PHF24: variants seen among roughly 807,000 people sequenced by gnomAD.
PHF24 encodes PHD finger protein 24, also known as Galpha inhibitory interacting protein.
In PHF24, 25 loss-of-function variants were observed where a neutral mutation model predicts 42.6. The observed-to-expected ratio is 0.59, with a 90% CI of 0.43 to 0.82. PHF24 has a LOEUF of 0.82. Among genes scored for constraint, PHF24 ranks in the 40% least tolerant of loss-of-function variants. The pLI is 0.00. For missense variants in PHF24, 470 were observed against 538.1 expected, an observed-to-expected ratio of 0.87 and a Z score of 1.25; for synonymous variants, 185 against 204.8, an observed-to-expected ratio of 0.90 and a Z score of 0.83.
At chr9:34,836,062 G>C in the PHF24 span, 5 of 587,970 alleles carry the variant, frequency 8.5e-6, no homozygotes, top group East Asian at 2.0e-4. Context: ...GCTGGAAAGA[G>C]AAACATGGCA....
the PHF24 span, among the ~76,000 whole-genome samples, chr9:34,803,992 T>C: frequency 6.6e-6 from 1 of 152,148 alleles, no homozygotes; most frequent in Non-Finnish European, 1.5e-5. Context: ...TAAACTGGTA[T>C]GACATGACTC....
the PHF24 span, among the ~76,000 whole-genome samples, chr9:34,872,302 CCCACTAACTCTTCATCTAG>C: frequency 6.7e-6 from 1 of 150,130 alleles, no homozygotes; most frequent in African/African-American, 2.4e-5. Flanking sequence ...GTGCGCTGCA[CCCACTAACTCTTCATCTAG>C]CATTAGGTAT....
At chr9:34,857,797 A>T in the PHF24 span, among the ~76,000 whole-genome samples, 1 of 152,110 alleles carries the variant, frequency 6.6e-6, no homozygotes, top group Non-Finnish European at 1.5e-5. Flanking sequence ...TTGAGTTCAT[A>T]TGTTCTTCCT....
At chr9:34,733,989 C>A in the PHF24 span, among the ~76,000 whole-genome samples, 2 of 152,132 alleles carry the variant, frequency 1.3e-5, no homozygotes, top group Non-Finnish European at 2.9e-5. Context: ...TAGGGTTTCT[C>A]GGGCTTCTGG....
At chr9:34,890,142 A>G in the PHF24 span, among the ~76,000 whole-genome samples, 71,943 of 152,000 alleles carry the variant, frequency 0.47, 17,991 homozygotes, top group Non-Finnish European at 0.56. Context: ...TACCTAAGAA[A>G]GATCCTGGAG....
At chr9:34,846,262 T>G in the PHF24 span, among the ~76,000 whole-genome samples, 1 of 152,174 alleles carries the variant, frequency 6.6e-6, no homozygotes, top group Admixed American at 6.5e-5. Context: ...CCAGCACCTG[T>G]TTTTCCCGAC....
the PHF24 span, chr9:34,895,779 T>G: frequency 2.5e-6 from 1 of 399,896 alleles, no homozygotes; most frequent in Non-Finnish European, 4.4e-6. Context: ...TAGAACCTAA[T>G]ACCTCCAGAT....
At chr9:34,725,767 AG>A in the PHF24 span, 1 of 1,549,756 alleles carries the variant, frequency 6.5e-7, no homozygotes, top group Non-Finnish European at 8.7e-7. Flanking sequence ...AAAGTGGGGA[AG>A]AGGGTGGGGC....
chr9:34,958,217 C>T (rs892840512), upstream of PHF24: 26 of 149,764 alleles, frequency 1.7e-4, no homozygotes, highest in Middle Eastern at 3.0e-3. This position sits in a 1 kb window ranked among gnomAD's most constrained non-coding sequence, Gnocchi z 4.5. Context: ...GGGTGTGCTC[C>T]GGCCGCGCGC....
At chr9:34,680,424 C>T in the PHF24 span, among the ~76,000 whole-genome samples, 1 of 151,238 alleles carries the variant, frequency 6.6e-6, no homozygotes, top group Non-Finnish European at 1.5e-5. Flanking sequence ...CGCGGTGGCT[C>T]ACGCCTGTGG....
chr9:34,886,826 G>GTATCTATCTATCTATCTATCTATCTATC, the PHF24 span, among the ~76,000 whole-genome samples: 2 of 80,808 alleles, frequency 2.5e-5, no homozygotes, highest in African/African-American at 6.4e-5. Context: ...ATGTATCTAT[G>GTATCTATCTATCTATCTATCTATCTATC]TATCTATGTA....
chr9:34,865,530 C>G, the PHF24 span, among the ~76,000 whole-genome samples: 3 of 151,946 alleles, frequency 2.0e-5, no homozygotes, highest in African/African-American at 7.3e-5. Context: ...CACCACTGTA[C>G]TCCAGCCTGA....
intron 3 of PHF24, among the ~76,000 whole-genome samples, chr9:34,972,748 TA>T (rs1827043158): frequency 1.3e-5 from 2 of 152,082 alleles, no homozygotes; most frequent in South Asian, 4.1e-4. Flanking sequence ...ACCCCATCTC[TA>T]CTAAAAATAC....
chr9:34,896,884 G>A, the PHF24 span, among the ~76,000 whole-genome samples: 46 of 152,222 alleles, frequency 3.0e-4, no homozygotes, highest in Non-Finnish European at 4.9e-4. Context: ...GGCCAAGTGC[G>A]GCGGCTCACA....
the PHF24 span, among the ~76,000 whole-genome samples, chr9:34,751,799 A>C: frequency 1.3e-5 from 2 of 152,328 alleles, no homozygotes; most frequent in African/African-American, 4.8e-5. Context: ...ATCATTTGTT[A>C]GGCCATAAAA....
chr9:34,917,853 C>G, the PHF24 span: 1 of 1,508,264 alleles, frequency 6.6e-7, no homozygotes, highest in South Asian at 1.1e-5. Context: ...CATCTTGCAT[C>G]GTGTGTGTGA....
the PHF24 span, among the ~76,000 whole-genome samples, chr9:34,781,817 C>T: frequency 1.3e-5 from 2 of 152,072 alleles, no homozygotes; most frequent in Non-Finnish European, 2.9e-5. Context: ...AATGCATGTG[C>T]CAGTGAATTC....
At chr9:34,760,972 A>G in the PHF24 span, among the ~76,000 whole-genome samples, 1 of 149,884 alleles carries the variant, frequency 6.7e-6, no homozygotes, top group South Asian at 2.2e-4. Flanking sequence ...AGCCTGGGTG[A>G]CAGAGTGAAA....
the PHF24 span, chr9:34,724,129 G>A: frequency 1.9e-6 from 3 of 1,543,216 alleles, no homozygotes; most frequent in East Asian, 2.4e-5. Flanking sequence ...CATGGGCTGG[G>A]TCCTTGCTCT....
Sources: allele counts gnomAD v4.1 joint callset (sites outside exome capture counted in the v4.1 genomes callset), GRCh38; gene constraint gnomAD v4.1.1; non-coding constraint Gnocchi (gnomAD v3.1); transcripts MANE v1.5; gene names NCBI Gene and HGNC (gene_info 2026-07-23, HGNC 2026-07-21).